TBC1D5: variants seen among roughly 807,000 people sequenced by gnomAD.
TBC1D5 encodes TBC1 domain family member 5.
In TBC1D5, 75 loss-of-function variants were observed where a neutral mutation model predicts 100.3. The ratio of observed to expected loss-of-function variants is 0.75; its 90% confidence interval spans 0.62 to 0.91. The LOEUF (loss-of-function observed/expected upper bound fraction) is 0.91, where lower values mean the gene tolerates loss of function less well. Among genes scored for constraint, TBC1D5 ranks in the 40% least tolerant of loss-of-function variants. TBC1D5 has a pLI of 0.00. For missense variants in TBC1D5, 910 were observed against 942.4 expected (o/e 0.97, Z 0.45); for synonymous variants, 323 against 325.6 (o/e 0.99, Z 0.09).
intron 1 of TBC1D5, among the ~76,000 whole-genome samples, chr3:17,665,581 T>C (rs2067172519): frequency 6.6e-6 from 1 of 152,216 alleles, no homozygotes; most frequent in African/African-American, 2.4e-5. Context: ...TCTGCTAATT[T>C]GGTTTCTTGC....
chr3:17,429,280 C>T (rs549356726), intron 3 of TBC1D5, among the ~76,000 whole-genome samples: 7 of 151,736 alleles, frequency 4.6e-5, no homozygotes, highest in Admixed American at 3.9e-4. Context: ...AAATGCTTAC[C>T]AATGCCCCGT....
chr3:17,256,564 T>C (rs2077702728), intron 16 of TBC1D5, among the ~76,000 whole-genome samples: 1 of 151,074 alleles, frequency 6.6e-6, no homozygotes, highest in African/African-American at 2.4e-5. Context: ...GGGGAGAAAA[T>C]AATGGGTACA....
At chr3:17,502,271 T>C (rs1409919119) in intron 3 of TBC1D5, among the ~76,000 whole-genome samples, 1 of 149,890 alleles carries the variant, frequency 6.7e-6, no homozygotes, top group Non-Finnish European at 1.5e-5. Flanking sequence ...TATGGATTCT[T>C]CAGATTACAA....
At chr3:17,536,283 C>T (rs1404542445) in intron 2 of TBC1D5, among the ~76,000 whole-genome samples, 1 of 151,986 alleles carries the variant, frequency 6.6e-6, no homozygotes, top group African/African-American at 2.4e-5. Flanking sequence ...TTTACAACAA[C>T]TTTTATCTGT....
At chr3:17,636,113 G>A (rs2063893080) in intron 1 of TBC1D5, among the ~76,000 whole-genome samples, 1 of 151,868 alleles carries the variant, frequency 6.6e-6, no homozygotes, top group South Asian at 2.1e-4. Context: ...GAATCGCTGG[G>A]ACCCGGGAGG....
chr3:17,180,984 T>C lies in TBC1D5; in HGVS notation c.1852+4125A>G, dbSNP rs368834781. ...GAGTTCTCTCGATATGAATGGAACT[T>C]TGCGAAAATAATTAACATTAGGAAA... On this transcript the variant is annotated intron_variant, in intron 19 of 21. Coordinates refer to ENST00000253692, the Ensembl canonical transcript of TBC1D5. 1.1e-3 allele frequency among the ~76,000 whole-genome samples: 174 copies of C among 151,652 alleles called. 5 individuals are homozygous for C. In the South Asian group the frequency reaches 0.034, roughly 30 times the overall value.
chr3:17,667,286 TCCAA>T (rs1299135490), intron 1 of TBC1D5, among the ~76,000 whole-genome samples: 3 of 152,092 alleles, frequency 2.0e-5, no homozygotes, highest in Admixed American at 2.0e-4. Context: ...GTCAAAAGCC[TCCAA>T]CTTATAAAAA....
At chr3:17,644,280 TCA>T (rs1421808586) in intron 1 of TBC1D5, among the ~76,000 whole-genome samples, 2 of 152,118 alleles carry the variant, frequency 1.3e-5, no homozygotes, top group African/African-American at 2.4e-5. Context: ...ATTAAATACT[TCA>T]GTCTTACACT....
At chr3:17,519,089 G>A (rs2096030811) in intron 2 of TBC1D5, 1 of 152,096 alleles carries the variant, frequency 6.6e-6, no homozygotes, top group African/African-American at 2.4e-5. Context: ...TTCAGAAAGA[G>A]CATTCTTGGG....
At chr3:17,717,565 C>G (rs2075341929) in intron 1 of TBC1D5, among the ~76,000 whole-genome samples, 1 of 152,190 alleles carries the variant, frequency 6.6e-6, no homozygotes, top group Admixed American at 6.5e-5. Flanking sequence ...ATGGCTTGTT[C>G]ATCATATACT....
At chr3:17,569,224 T>A (rs987655822) in intron 2 of TBC1D5, among the ~76,000 whole-genome samples, 17 of 151,858 alleles carry the variant, frequency 1.1e-4, no homozygotes, top group Admixed American at 7.2e-4. Flanking sequence ...TTGATAGACA[T>A]ACAAAATCTG....
intron 8 of TBC1D5, among the ~76,000 whole-genome samples, chr3:17,388,627 T>C (rs572034624): frequency 7.1e-6 from 1 of 141,710 alleles, no homozygotes; most frequent in African/African-American, 2.7e-5. Context: ...GGCAGGAGGA[T>C]CCCTTGAGCC....
intron 4 of TBC1D5, among the ~76,000 whole-genome samples, chr3:17,420,122 T>G (rs1011117940): frequency 5.3e-5 from 8 of 152,078 alleles, no homozygotes; most frequent in African/African-American, 1.9e-4. Flanking sequence ...TCTTTGGGTC[T>G]TGAGGGTTTA....
chr3:17,679,695 T>G (rs763338917), intron 1 of TBC1D5, among the ~76,000 whole-genome samples: 1 of 151,648 alleles, frequency 6.6e-6, no homozygotes, highest in Non-Finnish European at 1.5e-5. Flanking sequence ...ACAATTTATT[T>G]TACTTAAGCT....
At chr3:17,579,406 T>C (rs2096678372) in intron 2 of TBC1D5, among the ~76,000 whole-genome samples, 1 of 152,108 alleles carries the variant, frequency 6.6e-6, no homozygotes, top group Admixed American at 6.6e-5. Flanking sequence ...CCCTTCCAAT[T>C]TGTCAATCTT....
At chr3:17,693,363 C>A in intron 1 of TBC1D5, among the ~76,000 whole-genome samples, 1 of 152,210 alleles carries the variant, frequency 6.6e-6, no homozygotes, top group South Asian at 2.1e-4. Flanking sequence ...CCTGGAAAAA[C>A]GTAACACTCC....
At chr3:17,593,108 G>A (rs1485859574) in intron 2 of TBC1D5, among the ~76,000 whole-genome samples, 3 of 152,090 alleles carry the variant, frequency 2.0e-5, no homozygotes, top group East Asian at 1.9e-4. Flanking sequence ...CATGTTCTCC[G>A]ATCCTGCCAC....
chr3:17,699,132 T>A (rs1349194484), intron 1 of TBC1D5, among the ~76,000 whole-genome samples: 4 of 142,092 alleles, frequency 2.8e-5, no homozygotes, highest in Non-Finnish European at 6.1e-5. Context: ...AGCAAAGACT[T>A]GGAACCAACC....
chr3:17,660,890 G>A (rs991821122), intron 1 of TBC1D5, among the ~76,000 whole-genome samples: 25 of 152,098 alleles, frequency 1.6e-4, no homozygotes, highest in South Asian at 4.1e-4. Context: ...CTATATGAAA[G>A]CTATTTGAAA....
Sources: gnomAD v4.1 joint callset for allele counts (sites outside exome capture counted in the v4.1 genomes callset) on GRCh38, gnomAD v4.1.1 for gene constraint, MANE v1.5 for transcripts, NCBI Gene and HGNC (gene_info 2026-07-23, HGNC 2026-07-21) for gene names.